The following AFF4 variants were observed in gnomAD, a reference collection of about 807,000 sequenced individuals.
AFF4 encodes the protein AF4/FMR2 family member 4.
A neutral mutation model predicts 124.8 loss-of-function variants in AFF4; 13 were observed. That is an observed-to-expected ratio of 0.10 (90% CI 0.07 to 0.17). The LOEUF is 0.17. Among genes scored for constraint, AFF4 ranks in the 10% least tolerant of loss-of-function variants. AFF4 has a pLI of 1.00. For synonymous variants in AFF4, 477 were observed against 496.1 expected, an observed-to-expected ratio of 0.96 and a Z score of 0.51; for missense variants, 1,092 against 1,403.8, an observed-to-expected ratio of 0.78 and a Z score of 3.55.
chr5:132,917,820 C>T (rs1444524912), intron 5 of AFF4, among the ~76,000 whole-genome samples: 4 of 145,540 alleles, frequency 2.7e-5, no homozygotes, highest in Non-Finnish European at 4.5e-5. Context: ...TCAAGGAATC[C>T]TCTTGCCTCA....
intron 5 of AFF4, among the ~76,000 whole-genome samples, chr5:132,921,614 T>G (rs991299379): frequency 4.7e-4 from 72 of 152,150 alleles, no homozygotes; most frequent in African/African-American, 1.7e-3. Context: ...ATTATAGGCA[T>G]GCGCCACCAT....
At chr5:132,920,692 A>G (rs573267202) in intron 5 of AFF4, among the ~76,000 whole-genome samples, 19 of 152,276 alleles carry the variant, frequency 1.2e-4, no homozygotes, top group African/African-American at 4.3e-4. Context: ...CATGACCCGT[A>G]AAAGAAAACA....
rs764600828 is a variant in AFF4, at chr5:132,898,348, G to GAGT, written c.1268_1270dup (p.Asn423_Ser424insTyr). On this transcript the variant is annotated inframe_insertion, in exon 10 of 21. Transcript: ENST00000265343. ...ACTGTGGCTACTAGAATCATCCCTG[G>GAGT]AGTTATCTGCTCCTTCACTATTATG... is the stretch of plus-strand genomic sequence containing the variant. 9.9e-6 allele frequency: 16 copies of GAGT among 1,614,198 alleles called. No individual in the cohort carries two copies. The South Asian group carries it at 1.6e-4, about 17-fold the overall frequency.
intron 4 of AFF4, among the ~76,000 whole-genome samples, chr5:132,930,870 G>A (rs1453476452): frequency 8.0e-5 from 12 of 150,684 alleles, no homozygotes; most frequent in Admixed American, 6.6e-4. Flanking sequence ...ACTTTGGGAG[G>A]CCAAGGCAGG....
intron 1 of AFF4, among the ~76,000 whole-genome samples, chr5:132,960,759 T>G (rs567034918): frequency 2.0e-5 from 3 of 152,162 alleles, no homozygotes; most frequent in Non-Finnish European, 4.4e-5. Flanking sequence ...AATCTAGTAA[T>G]TGTGTAAAAT....
In AFF4 at chr5:132,896,555, A is replaced by G; in HGVS notation, c.2075T>C (p.Met692Thr). 1 of 1,614,120 alleles carries G rather than the reference A, an allele frequency of 6.2e-7. No homozygotes were observed. Among genetic ancestry groups the G allele is most frequent in the Non-Finnish European group, 8.5e-7 (1 of 1,180,040 alleles). The change falls in exon 11 of 21, where the codon ATG becomes ACG. Residue 692 changes from methionine (M) to threonine (T), a missense_variant. Met to Thr is a moderately conservative substitution (Grantham distance 81). Around this residue, in one of 11 missense-constraint regions of AFF4, gnomAD observed 293 missense variants for 280.2 expected, o/e 1.05. Transcript: ENST00000265343. ...TTCCTTCTCTTCCATAGGAGAGAACATTCGTTGCCGAAAAAAGCTATCTTC... is the reference window on the plus strand; with the variant it reads ...TTCCTTCTCTTCCATAGGAGAGAACGTTCGTTGCCGAAAAAAGCTATCTTC... Reference protein sequence around the residue: ...EEEDSFFRQRMFSPMEEKELL... With the variant: ...EEEDSFFRQRTFSPMEEKELL...
intron 5 of AFF4, among the ~76,000 whole-genome samples, chr5:132,922,261 A>G (rs1761065030): frequency 6.6e-6 from 1 of 152,200 alleles, no homozygotes; most frequent in Non-Finnish European, 1.5e-5. Context: ...CTACAAAAAA[A>G]TACAAAAATC....
intron 5 of AFF4, chr5:132,926,878 T>C (rs1761185149): frequency 2.6e-6 from 1 of 385,552 alleles, no homozygotes; most frequent in Non-Finnish European, 4.7e-6. Flanking sequence ...GTCTTTTAAA[T>C]CTCTCTCGCA....
chr5:132,958,283 C>T (rs966428437), intron 1 of AFF4, among the ~76,000 whole-genome samples: 2 of 151,344 alleles, frequency 1.3e-5, no homozygotes, highest in Admixed American at 6.6e-5. Context: ...GACAACAGGG[C>T]GAAACCCCAT....
intron 1 of AFF4, among the ~76,000 whole-genome samples, chr5:132,937,925 G>A (rs1226366306): frequency 6.6e-6 from 1 of 152,140 alleles, no homozygotes; most frequent in Non-Finnish European, 1.5e-5. Flanking sequence ...TCTATAATCA[G>A]GACAGTTTGT....
chr5:132,923,180 A>T (rs2150090424), intron 5 of AFF4, among the ~76,000 whole-genome samples: 1 of 151,994 alleles, frequency 6.6e-6, no homozygotes, highest in South Asian at 2.1e-4. Context: ...TGTCTCAAAA[A>T]AATAATAATA....
chr5:132,910,470 T>G (rs1210749421), intron 5 of AFF4, among the ~76,000 whole-genome samples: 2 of 152,196 alleles, frequency 1.3e-5, no homozygotes, highest in African/African-American at 4.8e-5. Context: ...CCAAATTCCC[T>G]AGGTATAACA....
At chr5:132,941,748 C>T (rs1432264344) in intron 1 of AFF4, among the ~76,000 whole-genome samples, 2 of 152,030 alleles carry the variant, frequency 1.3e-5, no homozygotes, top group African/African-American at 4.8e-5. Context: ...TGGCTCACGC[C>T]TGCAATCCCA....
intron 1 of AFF4, among the ~76,000 whole-genome samples, chr5:132,956,799 A>T (rs1761970150): frequency 6.6e-6 from 1 of 151,396 alleles, no homozygotes; most frequent in African/African-American, 2.4e-5. Context: ...AGGCAGGCAG[A>T]TCATGAGGTC....
rs1274344690 is a variant in AFF4 at position 132,906,217 on chromosome 5, AAC to A, written c.1051-1815_1051-1814del. The stretch of plus-strand genomic sequence containing the variant: ...ATTCTGGCAGTTCCTCAAATAAGTA[AAC>A]ACAGAGTTACCACATGACCCAGCCA... On this transcript the variant is annotated intron_variant, in intron 5 of 20. Transcript: ENST00000265343. 5.9e-5 allele frequency among the ~76,000 whole-genome samples: 9 copies of A among 152,310 alleles called. No individual in the cohort carries two copies. The East Asian group carries it at 1.7e-3, about 29-fold the overall frequency.
Position 132,892,148 on chromosome 5 carries a change from GC to G in AFF4, c.2637+15del, listed in dbSNP as rs757089379. On this transcript the variant is annotated intron_variant, in intron 13 of 20. Transcript: ENST00000265343. ...GTTGAATGATTTTCAAAAGCCCCAGGCCCCCAACACTTTACCTTAACCTCCT... is the reference window on the plus strand; with the variant it reads ...GTTGAATGATTTTCAAAAGCCCCAGGCCCCAACACTTTACCTTAACCTCCT... The G allele has an allele frequency of 1.2e-6, 2 of 1,614,082 alleles. No homozygotes were observed. Among genetic ancestry groups the G allele is most frequent in the South Asian group, 2.2e-5 (2 of 91,086 alleles).
chr5:132,950,043 A>G (rs1394531492), intron 1 of AFF4, among the ~76,000 whole-genome samples: 1 of 151,874 alleles, frequency 6.6e-6, no homozygotes, highest in African/African-American at 2.4e-5. Flanking sequence ...AAATGAAAAT[A>G]AAAAGCGGCC....
Position 132,896,490 on chromosome 5 carries a change from G to A in AFF4, c.2140C>T (p.Leu714Phe). 5 of 1,614,166 alleles carry A rather than the reference G, an allele frequency of 3.1e-6. No individual in the cohort carries two copies. Among genetic ancestry groups the A allele is most frequent in the Non-Finnish European group, 4.2e-6 (5 of 1,180,030 alleles). ...AGATTCAGGTCAATCTTCACAATAA[G>A]TGGGTACCTGTCATCAGGCTCACTG... The part of the protein sequence containing the change: ...PLSEPDDRYP[L>F]IVKIDLNLLT... The change falls in exon 11 of 21, where the codon CTT becomes TTT. Residue 714 changes from leucine to phenylalanine, a missense_variant. By Grantham distance (22) the Leu-to-Phe change is conservative (BLOSUM62 0). Transcript: ENST00000265343.
chr5:132,901,207 C>T, intron 7 of AFF4: 2 of 956,646 alleles, frequency 2.1e-6, no homozygotes, highest in South Asian at 4.8e-5. Context: ...AACTTGTTTA[C>T]ACATGTGAAT....
Sources: gnomAD v4.1 joint callset for allele counts (sites outside exome capture counted in the v4.1 genomes callset) on GRCh38, gnomAD v4.1.1 for gene constraint, gnomAD v4.1.1 regional missense constraint, MANE v1.5 for transcripts, NCBI Gene and HGNC (gene_info 2026-07-23, HGNC 2026-07-21) for gene names.